Variants in ADD2 observed in about 807,000 individuals in gnomAD.
The protein encoded by ADD2 is adducin 2.
Under a neutral mutation model 83.0 loss-of-function variants are expected in ADD2, and 23 were observed. The ratio of observed to expected loss-of-function variants is 0.28; its 90% CI spans 0.20 to 0.39. The LOEUF is 0.39. ADD2 is among the 10% of genes least tolerant of loss of function. The probability of loss-of-function intolerance (pLI) is 1.00; values close to 1 mark genes in which losing one functional copy is unlikely to be tolerated. For missense variants in ADD2, 758 were observed against 944.9 expected (o/e 0.80, Z 2.59); for synonymous variants, 375 against 375.4 (o/e 1.00, Z 0.01).
rs782116985 is a variant in ADD2 at position 70,674,793 on chromosome 2, G to A, written c.1626C>T (p.Asp542=). ...CCTCTGAATCGTCTTTGGTATCCTC[G>A]TCTCCCTTGGACATCAGCTGGCTCT... ...STESQLMSKG[D]EDTKDDSEET... The change falls in exon 14 of 16, where the codon GAC becomes GAT. Residue 542 remains aspartate (D), a synonymous_variant. Transcript: ENST00000264436. The A allele has an allele frequency of 3.5e-5, 57 of 1,613,958 alleles. No homozygotes were observed. Among genetic ancestry groups the A allele is most frequent in the African/African-American group, 1.2e-4 (9 of 74,902 alleles).
At chr2:70,704,126 G>A (rs1362254792) in intron 4 of ADD2, among the ~76,000 whole-genome samples, 195 bp downstream of exon 4, 4 of 152,214 alleles carry the variant, frequency 2.6e-5, no homozygotes, top group East Asian at 3.9e-4. Context: ...TTCTGTGGAC[G>A]TTTAATTTGC....
intron 8 of ADD2, among the ~76,000 whole-genome samples, chr2:70,689,588 C>G (rs1455061066): frequency 1.3e-5 from 2 of 152,236 alleles, no homozygotes; most frequent in Non-Finnish European, 2.9e-5. Context: ...TCTCCCCACA[C>G]TCTAAATAAT....
At chr2:70,725,578 G>C (rs1013410676) in intron 1 of ADD2, among the ~76,000 whole-genome samples, 2 of 152,246 alleles carry the variant, frequency 1.3e-5, no homozygotes, top group African/African-American at 4.8e-5. Flanking sequence ...ATAAGACACA[G>C]ACACACAGGA....
Position 70,696,323 on chromosome 2 carries a change from G to C in ADD2, c.396C>G (p.Leu132=), listed in dbSNP as rs376988741. Reference sequence around the variant, plus strand: ...AGACACTGCTGATCTTGCACCGCATGAGCCGCTCCCCTTTGGCCAGGTTCA... The same window carrying C: ...AGACACTGCTGATCTTGCACCGCATCAGCCGCTCCCCTTTGGCCAGGTTCA... The part of the protein sequence containing the change: ...DSLNLAKGER[L]MRCKISSVYR... The change falls in exon 5 of 16, where the codon CTC becomes CTG. Residue 132 remains leucine, a synonymous_variant. Coordinates refer to ENST00000264436, the MANE Select transcript of ADD2 (RefSeq NM_001617.4). 124 of 1,613,972 alleles carry C rather than the reference G, an allele frequency of 7.7e-5. No individual in the cohort carries two copies. Among genetic ancestry groups the C allele is most frequent in the Non-Finnish European group, 1.0e-4 (120 of 1,180,024 alleles).
chr2:70,715,360 A>C (rs1672410038), intron 1 of ADD2, among the ~76,000 whole-genome samples: 1 of 152,178 alleles, frequency 6.6e-6, no homozygotes, highest in Non-Finnish European at 1.5e-5. Context: ...TCTTGTGCAG[A>C]CTTCAGCTTC....
At chr2:70,734,948 G>A (rs1673454266) in intron 1 of ADD2, among the ~76,000 whole-genome samples, 2 of 152,106 alleles carry the variant, frequency 1.3e-5, no homozygotes, top group South Asian at 2.1e-4. Flanking sequence ...GGGCTAGTGA[G>A]GATTTGTCTT....
chr2:70,734,753 C>T (rs1201518893), intron 1 of ADD2, among the ~76,000 whole-genome samples: 1 of 152,200 alleles, frequency 6.6e-6, no homozygotes. Context: ...CAACCATGTG[C>T]TTAATTCTCT....
intron 1 of ADD2, among the ~76,000 whole-genome samples, chr2:70,747,088 G>A (rs1031406462): frequency 1.4e-5 from 2 of 143,388 alleles, no homozygotes; most frequent in Admixed American, 7.3e-5. Context: ...TTGGCTCACT[G>A]TAAGCTCCGC....
chr2:70,713,991 A>G (rs1178838493), intron 1 of ADD2, among the ~76,000 whole-genome samples: 2 of 151,974 alleles, frequency 1.3e-5, no homozygotes, highest in African/African-American at 4.8e-5. Flanking sequence ...ATTCAAGGCC[A>G]TTTCACCCAG....
At chr2:70,717,289 G>A (rs1335104541) in intron 1 of ADD2, among the ~76,000 whole-genome samples, 1 of 152,212 alleles carries the variant, frequency 6.6e-6, no homozygotes, top group Non-Finnish European at 1.5e-5. Context: ...AACCACTGGA[G>A]TATGAAATCA....
intron 14 of ADD2, among the ~76,000 whole-genome samples, chr2:70,673,918 T>C (rs1487645363): frequency 6.6e-6 from 1 of 152,172 alleles, no homozygotes; most frequent in African/African-American, 2.4e-5. Context: ...CTGCTTTGTG[T>C]CCAGGAAGGT....
intron 1 of ADD2, among the ~76,000 whole-genome samples, chr2:70,713,403 G>A (rs1672298667): frequency 6.6e-6 from 1 of 152,218 alleles, no homozygotes; most frequent in East Asian, 1.9e-4. Flanking sequence ...ACGAGGTCAA[G>A]AGATCGGGAC....
intron 8 of ADD2, among the ~76,000 whole-genome samples, chr2:70,688,770 A>T (rs1445412434): frequency 6.6e-6 from 1 of 152,130 alleles, no homozygotes; most frequent in Non-Finnish European, 1.5e-5. Context: ...CATCTAACTC[A>T]TCGGTTTTAT....
chr2:70,675,852 G>C (rs1009659960), intron 13 of ADD2: 4 of 985,222 alleles, frequency 4.1e-6, no homozygotes, highest in Non-Finnish European at 3.6e-6. Flanking sequence ...GGAGATTTTT[G>C]TTTGTTTTTT....
chr2:70,701,672 G>A (rs1671589840), intron 4 of ADD2, among the ~76,000 whole-genome samples: 1 of 151,976 alleles, frequency 6.6e-6, no homozygotes, highest in Non-Finnish European at 1.5e-5. Context: ...AGGGGCTAGT[G>A]TATACACACA....
chr2:70,675,810 C>G (rs1392531337), intron 13 of ADD2: 6 of 985,266 alleles, frequency 6.1e-6, no homozygotes, highest in Non-Finnish European at 7.2e-6. Flanking sequence ...AGAAGAGGGA[C>G]TCCGAGAAGA....
chr2:70,743,491 G>C (rs1674027073), intron 1 of ADD2, among the ~76,000 whole-genome samples: 2 of 152,146 alleles, frequency 1.3e-5, no homozygotes, highest in South Asian at 4.1e-4. Flanking sequence ...CCACCAGTCA[G>C]GTAATTTATT....
chr2:70,704,266 C>CCCCCCCCCCCCCCCCCCCCCCCCCA, intron 4 of ADD2, 55 bp downstream of exon 4: 1 of 650,836 alleles, frequency 1.5e-6, no homozygotes, highest in Non-Finnish European at 2.6e-6. Context: ...CCTCTCTTCC[C>CCCCCCCCCCCCCCCCCCCCCCCCCA]CACCCCACCC....
chr2:70,767,521 GAGGGGAGGGGAGGA>G, intron 1 of ADD2: 1 of 435,554 alleles, frequency 2.3e-6, no homozygotes, highest in Non-Finnish European at 3.2e-6. Flanking sequence ...GGAGGGGAGG[GAGGGGAGGGGAGGA>G]GCGGCCCCGC....
Sources: allele counts gnomAD v4.1 joint callset (sites outside exome capture counted in the v4.1 genomes callset), GRCh38; gene constraint gnomAD v4.1.1; transcripts MANE v1.5; gene names NCBI Gene and HGNC (gene_info 2026-07-23, HGNC 2026-07-21).